GRIK3: variants seen among roughly 807,000 people sequenced by gnomAD.
The protein encoded by GRIK3 is glutamate ionotropic receptor kainate type subunit 3, also known as glutamate receptor ionotropic, kainate 3.
In GRIK3, 29 loss-of-function variants were observed where a neutral mutation model predicts 102.5. The ratio of observed to expected loss-of-function variants is 0.28; its 90% CI spans 0.21 to 0.39. The LOEUF (loss-of-function observed/expected upper bound fraction) is 0.39. GRIK3 is among the 10% of genes least tolerant of loss of function. The probability of loss-of-function intolerance (pLI) is 1.00; values close to 1 mark genes in which losing one functional copy is unlikely to be tolerated. For synonymous variants in GRIK3, 511 were observed against 504.9 expected (o/e 1.01, Z -0.16); for missense variants, 908 against 1,252.4 (o/e 0.73, Z 4.15).
intron 2 of GRIK3, among the ~76,000 whole-genome samples, chr1:36,884,581 G>T (rs1641018258): frequency 6.6e-6 from 1 of 152,140 alleles, no homozygotes; most frequent in African/African-American, 2.4e-5. Context: ...GCAGTCCAGG[G>T]CTTGCCCAAG....
chr1:36,906,317 C>T (rs1641283920), intron 1 of GRIK3, among the ~76,000 whole-genome samples: 1 of 152,050 alleles, frequency 6.6e-6, no homozygotes, highest in Non-Finnish European at 1.5e-5. Context: ...TACTCAGACT[C>T]TCTGAGACTC....
At chr1:37,032,612 G>T (rs1187348196) in intron 1 of GRIK3, among the ~76,000 whole-genome samples, 1 of 152,194 alleles carries the variant, frequency 6.6e-6, no homozygotes, top group Non-Finnish European at 1.5e-5. Context: ...AAAGGGTTAA[G>T]CCTGACCATA....
In GRIK3 at chr1:36,910,913, C is replaced by T. The variant is rs144116234; in HGVS notation, c.116-19817G>A. Among the ~76,000 whole-genome samples the T allele has an allele frequency of 4.6e-3, 703 of 152,288 alleles. 5 individuals carry two copies. Among genetic ancestry groups the T allele is most frequent in the African/African-American group, 0.015 (629 of 41,564 alleles). On this transcript the variant is annotated intron_variant, in intron 1 of 15. Transcript: ENST00000373091. ...GTGAGTGGGGGGGCATAACTCAAAA[C>T]GCTGTCAAGGTGAGAACGCTCCATG...
chr1:36,802,100 C>A, intron 15 of GRIK3, 55 bp from the exon 16 acceptor site: 6 of 1,286,866 alleles, frequency 4.7e-6, no homozygotes, highest in Non-Finnish European at 5.4e-6. Context: ...GATGCCCGGT[C>A]TTGCAACTCC....
At chr1:36,986,873 C>A (rs977540996) in intron 1 of GRIK3, among the ~76,000 whole-genome samples, 143 of 152,176 alleles carry the variant, frequency 9.4e-4, no homozygotes, top group Non-Finnish European at 2.5e-4. Context: ...ACTTTGGGGT[C>A]AAACTAAATT....
At position 36,850,402 on chromosome 1, in the gene GRIK3, T is replaced by G. The variant is rs899440002; in HGVS notation, c.1235A>C (p.Asp412Ala). Residue 412 changes from aspartate to alanine, a missense_variant, in exon 9 of 16, where the codon GAC (aspartate) becomes GCC (alanine). By Grantham distance (126) the Asp-to-Ala change is moderately radical. Coordinates refer to ENST00000373091, the MANE Select transcript of GRIK3 (RefSeq NM_000831.4). The surrounding 1 kb of genome is among the most constrained non-coding windows in gnomAD (Gnocchi z 4.0). ...GGCAACCTCAGTGATGTTGAGCCCGTCGGCAGGACTCCACACCCCAACCTG... is the reference window on the plus strand; with the variant it reads ...GGCAACCTCAGTGATGTTGAGCCCGGCGGCAGGACTCCACACCCCAACCTG... ...LEKVGVWSPA[D>A]GLNITEVAKG... is the part of the protein sequence containing the mutation. The G allele has an allele frequency of 3.7e-6, 6 of 1,612,352 alleles. No homozygotes were observed. In the African/African-American group the frequency reaches 6.7e-5, roughly 18 times the overall value.
intron 1 of GRIK3, among the ~76,000 whole-genome samples, chr1:36,920,410 C>G (rs1002602716): frequency 6.6e-6 from 1 of 152,126 alleles, no homozygotes; most frequent in Non-Finnish European, 1.5e-5. Context: ...TCCAGATCCC[C>G]CCTCCCTGCT....
At chr1:37,014,950 T>A (rs1426911277) in intron 1 of GRIK3, among the ~76,000 whole-genome samples, 1 of 151,062 alleles carries the variant, frequency 6.6e-6, no homozygotes, top group Non-Finnish European at 1.5e-5. Flanking sequence ...TCTCTCTCTC[T>A]CTCTCTCTCT....
intron 1 of GRIK3, among the ~76,000 whole-genome samples, chr1:37,011,009 G>A (rs1485379370): frequency 6.6e-6 from 1 of 152,162 alleles, no homozygotes; most frequent in Non-Finnish European, 1.5e-5. Flanking sequence ...CCAAAGTGCT[G>A]GGATTACAGG....
At chr1:36,969,439 C>A (rs2124355981) in intron 1 of GRIK3, among the ~76,000 whole-genome samples, 1 of 152,332 alleles carries the variant, frequency 6.6e-6, no homozygotes, top group East Asian at 1.9e-4. Context: ...AAATTAACTG[C>A]CTCCCAACAC....
chr1:36,948,729 T>C (rs910764273), intron 1 of GRIK3, among the ~76,000 whole-genome samples: 23 of 152,152 alleles, frequency 1.5e-4, no homozygotes, highest in African/African-American at 3.9e-4. Flanking sequence ...GTCAGCTCAG[T>C]TGGGCCTTCC....
Position 36,806,236 on chromosome 1 carries a change from T to G in GRIK3, c.2182A>C (p.Arg728=), listed in dbSNP as rs1310528787. 1 of 1,613,844 alleles carries G rather than the reference T, an allele frequency of 6.2e-7. No individual in the cohort carries two copies. Among genetic ancestry groups the G allele is most frequent in the African/African-American group, 1.3e-5 (1 of 74,940 alleles). The change falls in exon 14 of 16, where the codon AGG becomes CGG. Residue 728 remains arginine, a synonymous_variant. Coordinates refer to ENST00000373091, the MANE Select transcript of GRIK3 (RefSeq NM_000831.4). The surrounding 1 kb of genome is among the most constrained non-coding windows in gnomAD (Gnocchi z 4.0). ...AGCGCGTAGTCGGCCGTCAGGGCCC[T>G]CTGGATGCCCTCCTCGTTGTTCTTC... ...LVKNNEEGIQ[R]ALTADYALLM...
At chr1:37,019,600 T>C (rs2124073596) in intron 1 of GRIK3, among the ~76,000 whole-genome samples, 1 of 152,268 alleles carries the variant, frequency 6.6e-6, no homozygotes, top group South Asian at 2.1e-4. Context: ...TGCTGTTTCA[T>C]TGCCCCCGCA....
intron 13 of GRIK3, among the ~76,000 whole-genome samples, chr1:36,813,375 C>G (rs1306810730): frequency 6.6e-6 from 1 of 152,200 alleles, no homozygotes; most frequent in African/African-American, 2.4e-5. Context: ...CCAATGTCTC[C>G]TAGACATCTG....
intron 1 of GRIK3, among the ~76,000 whole-genome samples, chr1:36,986,456 A>ATCCT (rs1491535546): frequency 1.2e-3 from 174 of 146,342 alleles, no homozygotes; most frequent in African/African-American, 4.0e-3. Flanking sequence ...CCATCCATCC[A>ATCCT]TCCATCAGCC....
chr1:36,832,689 A>T (rs1331233318), intron 10 of GRIK3, among the ~76,000 whole-genome samples: 1 of 152,224 alleles, frequency 6.6e-6, no homozygotes, highest in Admixed American at 6.5e-5. Context: ...TCTGAGGCCC[A>T]GCAAGCTCCA....
At position 36,799,134 on chromosome 1, in the gene GRIK3, T is replaced by TA. The variant is rs1642403326; in HGVS notation, c.*2716dup. ...CATTAGAATCCTGTTACCTGGGAAT[T>TA]ACAAAAAAGAGTTTTCCCTTCAAAC... On this transcript the variant is annotated 3_prime_UTR_variant, in exon 16 of 16. Transcript: ENST00000373091. The TA allele has an allele frequency of 6.6e-6, 1 of 152,170 alleles. No homozygotes were observed. Among genetic ancestry groups the TA allele is most frequent in the African/African-American group, 2.4e-5 (1 of 41,450 alleles). 9.4% of individuals were successfully genotyped at this position (152,170 alleles called of 1,614,324 possible). A position where few individuals can be genotyped will look rare whatever the true frequency, so the allele number is the denominator to read the frequency against.
At chr1:36,830,396 G>C (rs1640248232) in intron 10 of GRIK3, among the ~76,000 whole-genome samples, 1 of 151,710 alleles carries the variant, frequency 6.6e-6, no homozygotes, top group African/African-American at 2.4e-5. Context: ...CCTAACCCCT[G>C]GTACCTATGA....
intron 10 of GRIK3, among the ~76,000 whole-genome samples, chr1:36,838,590 G>A (rs1640410036): frequency 6.6e-6 from 1 of 152,136 alleles, no homozygotes. Flanking sequence ...AAGACCATGT[G>A]GCACGGGACA....
Sources: gnomAD v4.1 joint callset for allele counts (sites outside exome capture counted in the v4.1 genomes callset) on GRCh38, gnomAD v4.1.1 for gene constraint, Gnocchi (gnomAD v3.1) non-coding constraint, MANE v1.5 for transcripts, NCBI Gene and HGNC (gene_info 2026-07-23, HGNC 2026-07-21) for gene names.